Variants in ZC3H3 observed in about 807,000 individuals in gnomAD.
ZC3H3 encodes the protein zinc finger CCCH-type containing 3.
ZC3H3 carries 36 observed loss-of-function variants against 77.3 expected under a neutral mutation model. The observed-to-expected ratio is 0.47, with a 90% confidence interval of 0.36 to 0.61. The LOEUF is 0.61. Ranked by LOEUF, ZC3H3 falls within the 20% of genes least tolerant of loss-of-function variation. The probability of loss-of-function intolerance (pLI) is 0.00; values close to 1 mark genes in which losing one functional copy is unlikely to be tolerated. For synonymous variants in ZC3H3, 626 were observed against 555.2 expected (o/e 1.13, Z -1.79); for missense variants, 1,331 against 1,312.2 (o/e 1.01, Z -0.22).
chr8:143,488,712 A>G (rs1464873829), intron 4 of ZC3H3, among the ~76,000 whole-genome samples: 1 of 152,248 alleles, frequency 6.6e-6, no homozygotes, highest in African/African-American at 2.4e-5. Flanking sequence ...ACATCAATAC[A>G]TGAAATCTCA....
rs1247806841 is a variant in ZC3H3, at chr8:143,530,390, A to G, written c.1561+5867T>C. Among the ~76,000 whole-genome samples the G allele has an allele frequency of 1.3e-5, 2 of 152,100 alleles. No individual in the cohort carries two copies. The highest frequency in any genetic ancestry group is 3.9e-4 in the East Asian group (2 of 5,176). On this transcript the variant is annotated intron_variant, in intron 3 of 11. Coordinates refer to ENST00000262577, the MANE Select transcript of ZC3H3 (RefSeq NM_015117.3). This position sits in a 1 kb window ranked among gnomAD's most constrained non-coding sequence, Gnocchi z 4.3. Reference sequence around the variant, plus strand: ...GAAGCAGAGAGGGCCCTCCCACTCCAGCAGATGACGACACCACTGCCTACC... The same window carrying G: ...GAAGCAGAGAGGGCCCTCCCACTCCGGCAGATGACGACACCACTGCCTACC...
At chr8:143,474,345 A>G (rs1820664811) in intron 5 of ZC3H3, among the ~76,000 whole-genome samples, 1 of 152,156 alleles carries the variant, frequency 6.6e-6, no homozygotes, top group Non-Finnish European at 1.5e-5. Flanking sequence ...ATTCCTGCCC[A>G]GTTCACCAGG....
chr8:143,463,928 G>C (rs1236349502), intron 9 of ZC3H3, among the ~76,000 whole-genome samples: 2 of 152,250 alleles, frequency 1.3e-5, no homozygotes, highest in African/African-American at 4.8e-5. Context: ...TTATTCACAA[G>C]GAAAGGGAAT....
intron 4 of ZC3H3, among the ~76,000 whole-genome samples, chr8:143,491,823 C>G (rs1471517798): frequency 6.6e-6 from 1 of 152,206 alleles, no homozygotes; most frequent in Non-Finnish European, 1.5e-5. Context: ...CAGGGCATGA[C>G]TCCCTCAGTC....
intron 3 of ZC3H3, among the ~76,000 whole-genome samples, chr8:143,522,563 G>A (rs35896462): frequency 0.028 from 4,232 of 151,796 alleles, 179 homozygotes; most frequent in African/African-American, 0.096. Flanking sequence ...AGACTGTGCC[G>A]CTGCACACTC....
chr8:143,494,051 G>A lies in ZC3H3; in HGVS notation c.1715+13695C>T, dbSNP rs1821278721. On this transcript the variant is annotated intron_variant, in intron 4 of 11. Transcript: ENST00000262577. The surrounding 1 kb of genome is among the most constrained non-coding windows in gnomAD (Gnocchi z 5.3). ...AAATAAAACTCTAAAAAACCTGCCG[G>A]AGTCCTGCCTCAGCAGCACGTGGGG... Among the ~76,000 whole-genome samples the A allele has an allele frequency of 6.6e-6, 1 of 152,154 alleles. No individual in the cohort carries two copies. Among genetic ancestry groups the A allele is most frequent in the Non-Finnish European group, 1.5e-5 (1 of 68,030 alleles).
intron 3 of ZC3H3, among the ~76,000 whole-genome samples, chr8:143,516,539 A>T (rs1822051086): frequency 7.3e-6 from 1 of 137,244 alleles, no homozygotes. Flanking sequence ...ACACACACAC[A>T]CACACACACA....
chr8:143,536,899 C>A (rs1326396892), intron 2 of ZC3H3, among the ~76,000 whole-genome samples: 1 of 152,180 alleles, frequency 6.6e-6, no homozygotes, highest in South Asian at 2.1e-4. Flanking sequence ...CTCCACACTT[C>A]CTGGACAGAG....
At chr8:143,459,489 C>T (rs909229441) in intron 9 of ZC3H3, among the ~76,000 whole-genome samples, 2 of 152,098 alleles carry the variant, frequency 1.3e-5, no homozygotes, top group African/African-American at 2.4e-5. Flanking sequence ...GCGGAGTTTA[C>T]AGTGAGCTGA....
chr8:143,507,903 T>C lies in ZC3H3; in HGVS notation c.1562-4A>G, dbSNP rs1392095556. ...CGCACGGCATGCAGGCTGGACGCTG[T>C]AGAGAAAACCCAGGGCACAGACATG... On this transcript the variant is annotated splice_polypyrimidine_tract_variant and splice_region_variant and intron_variant, in intron 3 of 11. Transcript: ENST00000262577. The C allele has an allele frequency of 1.9e-6, 3 of 1,579,152 alleles. No individual in the cohort carries two copies. The highest frequency in any genetic ancestry group is 2.3e-5 in the East Asian group (1 of 42,916).
In ZC3H3 at chr8:143,468,399, C is replaced by T. The variant is rs1215033326; in HGVS notation, c.2088G>A (p.Lys696=). The change falls in exon 7 of 12, where the codon AAG becomes AAA. Residue 696 remains lysine, a synonymous_variant. Coordinates refer to ENST00000262577, the MANE Select transcript of ZC3H3 (RefSeq NM_015117.3). ...ERCPYIHDPE[K]VAVCTRFVRG... ...GAGGGCACCTGGTGCACACGGCCAC[C>T]TTCTCGGGATCGTGGATGTAGGGGC... 3.7e-6 allele frequency: 6 copies of T among 1,612,722 alleles called. No individual in the cohort carries two copies. Among genetic ancestry groups the T allele is most frequent in the Non-Finnish European group, 4.2e-6 (5 of 1,179,804 alleles).
chr8:143,485,711 C>T (rs777581654), intron 4 of ZC3H3, among the ~76,000 whole-genome samples: 6 of 152,234 alleles, frequency 3.9e-5, no homozygotes, highest in Non-Finnish European at 8.8e-5. Context: ...TCGCTGTAAG[C>T]AGACGTGTGG....
chr8:143,523,212 C>A (rs1208123654), intron 3 of ZC3H3, among the ~76,000 whole-genome samples: 1 of 152,194 alleles, frequency 6.6e-6, no homozygotes, highest in Non-Finnish European at 1.5e-5. Flanking sequence ...CAGACCCTGG[C>A]TGGACCACCT....
chr8:143,477,929 A>G lies in ZC3H3; in HGVS notation c.1716-2344T>C, dbSNP rs566615841. Reference sequence around the variant, plus strand: ...GGTCCTCGCCCCGGAAAGGCTGCTCAGGGCCAGCCTGGACTTGCTCCCGGG... The same window carrying G: ...GGTCCTCGCCCCGGAAAGGCTGCTCGGGGCCAGCCTGGACTTGCTCCCGGG... On this transcript the variant is annotated intron_variant, in intron 4 of 11. Transcript: ENST00000262577. Among the ~76,000 whole-genome samples, 261 of 152,264 alleles carry G rather than the reference A, an allele frequency of 1.7e-3. 2 individuals carry two copies. Among genetic ancestry groups the G allele is most frequent in the African/African-American group, 5.9e-3 (246 of 41,566 alleles).
intron 5 of ZC3H3, among the ~76,000 whole-genome samples, chr8:143,472,954 AG>A (rs1487490981): frequency 5.3e-5 from 8 of 152,170 alleles, no homozygotes; most frequent in Non-Finnish European, 1.0e-4. Context: ...TGGAAAGGGC[AG>A]TAGGCATCCC....
intron 4 of ZC3H3, among the ~76,000 whole-genome samples, chr8:143,491,575 G>A (rs1216505430): frequency 6.6e-6 from 1 of 152,240 alleles, no homozygotes; most frequent in Non-Finnish European, 1.5e-5. Context: ...CGGGGCACAT[G>A]CCCCATCACC....
Position 143,475,537 on chromosome 8 carries a change from T to C in ZC3H3, c.1764A>G (p.Lys588=), listed in dbSNP as rs768445070. The C allele has an allele frequency of 1.9e-6, 3 of 1,610,612 alleles. No homozygotes were observed. In the Admixed American group the frequency reaches 5.0e-5, roughly 27 times the overall value. The change falls in exon 5 of 12, where the codon AAA becomes AAG. Residue 588 remains lysine (K), a synonymous_variant. Transcript: ENST00000262577. ...GCCACCAAGGGGAGCCCGGTTGGGC[T>C]TTCCCACCCCCGCTGGCAACTGGAC... The part of the protein sequence containing the change: ...RLRPVASGGG[K]AQPGSPWWRS...
chr8:143,479,395 G>C (rs1322795476), intron 4 of ZC3H3, among the ~76,000 whole-genome samples: 1 of 152,144 alleles, frequency 6.6e-6, no homozygotes, highest in Non-Finnish European at 1.5e-5. Flanking sequence ...ATAATAGCAG[G>C]GCCAAGGACC....
intron 3 of ZC3H3, among the ~76,000 whole-genome samples, chr8:143,524,396 G>A (rs1822345685): frequency 6.6e-6 from 1 of 152,248 alleles, no homozygotes; most frequent in African/African-American, 2.4e-5. Context: ...CCAAGCCACT[G>A]GAAGCGCAGG....
Sources: allele counts gnomAD v4.1 joint callset (sites outside exome capture counted in the v4.1 genomes callset), GRCh38; gene constraint gnomAD v4.1.1; non-coding constraint Gnocchi (gnomAD v3.1); transcripts MANE v1.5; gene names NCBI Gene and HGNC (gene_info 2026-07-23, HGNC 2026-07-21).